The following PRKCB variants were observed in gnomAD, a reference collection of about 807,000 sequenced individuals.
The protein encoded by PRKCB is protein kinase C beta type.
A neutral mutation model predicts 81.5 loss-of-function variants in PRKCB; 13 were observed. That is an observed-to-expected ratio of 0.16 (90% CI 0.10 to 0.25). The LOEUF (loss-of-function observed/expected upper bound fraction) is 0.25, where lower values mean the gene tolerates loss of function less well. Ranked by LOEUF, PRKCB falls within the 10% of genes least tolerant of loss-of-function variation. The probability of loss-of-function intolerance (pLI) is 1.00; values close to 1 mark genes in which losing one functional copy is unlikely to be tolerated. For synonymous variants in PRKCB, 335 were observed against 321.4 expected (o/e 1.04, Z -0.45); for missense variants, 509 against 875.7 (o/e 0.58, Z 5.29).
At chr16:23,864,722 T>C (rs1330647850) in intron 2 of PRKCB, among the ~76,000 whole-genome samples, 3 of 144,676 alleles carry the variant, frequency 2.1e-5, no homozygotes, top group Non-Finnish European at 4.7e-5. Context: ...GCCTCTGAGA[T>C]TTCTTTTTTT....
chr16:24,100,938 G>A lies in PRKCB; in HGVS notation c.821+6641G>A, dbSNP rs181578450. On this transcript the variant is annotated intron_variant, in intron 7 of 16. Coordinates refer to ENST00000643927, the MANE Select transcript of PRKCB (RefSeq NM_002738.7). ...GGTCAAAGCTGTCTTCTCATGTTGAGTCAGTTCCTGGGTGAGGATCACAAG... is the reference window on the plus strand; with the variant it reads ...GGTCAAAGCTGTCTTCTCATGTTGAATCAGTTCCTGGGTGAGGATCACAAG... 1.4e-4 allele frequency among the ~76,000 whole-genome samples: 21 copies of A among 152,292 alleles called. No homozygotes were observed. The East Asian group carries it at 3.9e-3, about 28-fold the overall frequency.
intron 3 of PRKCB, among the ~76,000 whole-genome samples, chr16:24,011,186 A>T (rs906615025): frequency 4.6e-5 from 7 of 151,804 alleles, no homozygotes; most frequent in South Asian, 2.1e-4. Flanking sequence ...ATTTTTTTTT[A>T]AATTGGAGGT....
chr16:24,144,379 A>G (rs1285510955), intron 9 of PRKCB, among the ~76,000 whole-genome samples: 1 of 152,054 alleles, frequency 6.6e-6, no homozygotes, highest in Non-Finnish European at 1.5e-5. Flanking sequence ...GCTCACTGCA[A>G]CCTCCACCTC....
In PRKCB at chr16:23,863,789, G is replaced by A. The variant is rs1169169173; in HGVS notation, c.205+26383G>A. 2.6e-5 allele frequency among the ~76,000 whole-genome samples: 4 copies of A among 152,128 alleles called. No individual in the cohort carries two copies. In the East Asian group the frequency reaches 7.7e-4, roughly 29 times the overall value. ...ATTAGTAGACAATGTTCCAGGCAGA[G>A]TTTTGGATAGAAACTATCCATCAGC... On this transcript the variant is annotated intron_variant, in intron 2 of 16. Transcript: ENST00000643927.
At chr16:24,111,018 A>G (rs907432441) in intron 7 of PRKCB, 2 of 152,258 alleles carry the variant, frequency 1.3e-5, no homozygotes, top group African/African-American at 4.8e-5. Context: ...CTGAATGGAT[A>G]AAGTTAAAGT....
intron 5 of PRKCB, among the ~76,000 whole-genome samples, chr16:24,051,174 C>T (rs1357418364): frequency 1.3e-5 from 2 of 152,200 alleles, no homozygotes; most frequent in Non-Finnish European, 2.9e-5. Flanking sequence ...CCATGAAAGG[C>T]CACACAGGGA....
At chr16:23,838,160 T>C (rs901018316) in intron 2 of PRKCB, among the ~76,000 whole-genome samples, 10 of 152,196 alleles carry the variant, frequency 6.6e-5, no homozygotes, top group African/African-American at 2.4e-4. Context: ...GGACCAAAAG[T>C]TACCCGCAGC....
intron 2 of PRKCB, among the ~76,000 whole-genome samples, chr16:23,871,780 G>T (rs1185828912): frequency 6.6e-6 from 1 of 150,884 alleles, no homozygotes; most frequent in Admixed American, 6.6e-5. Context: ...GTTTCATCAT[G>T]TTGGTCTGGC....
chr16:24,066,770 G>A (rs1435387760), intron 5 of PRKCB, among the ~76,000 whole-genome samples: 1 of 152,070 alleles, frequency 6.6e-6, no homozygotes, highest in Non-Finnish European at 1.5e-5. Context: ...TGACAGTTTT[G>A]AGAAGTACTG....
intron 2 of PRKCB, among the ~76,000 whole-genome samples, chr16:23,909,797 G>A (rs982838558): frequency 6.6e-6 from 1 of 152,120 alleles, no homozygotes; most frequent in African/African-American, 2.4e-5. Flanking sequence ...TTCCTTTTAT[G>A]GCTGAGTAGT....
At chr16:23,914,107 A>G (rs1466802765) in intron 2 of PRKCB, among the ~76,000 whole-genome samples, 1 of 152,122 alleles carries the variant, frequency 6.6e-6, no homozygotes, top group Non-Finnish European at 1.5e-5. Context: ...GGCTCAAGCA[A>G]TCTTGCTTCA....
At chr16:24,073,494 G>A (rs1398285928) in intron 5 of PRKCB, among the ~76,000 whole-genome samples, 1 of 152,140 alleles carries the variant, frequency 6.6e-6, no homozygotes, top group African/African-American at 2.4e-5. Flanking sequence ...ACCATGTCTG[G>A]CTAATCGTGA....
chr16:24,021,040 CTCTT>C (rs1324385986), intron 3 of PRKCB, among the ~76,000 whole-genome samples: 8 of 72,396 alleles, frequency 1.1e-4, no homozygotes, highest in Admixed American at 2.8e-4. Context: ...TTCTTTCTTT[CTCTT>C]TCTTTCTTTC....
chr16:23,899,644 C>CTG (rs1224002439), intron 2 of PRKCB, among the ~76,000 whole-genome samples: 77 of 5,808 alleles, frequency 0.013, 21 homozygotes, highest in Non-Finnish European at 0.068. Context: ...CTCTCTCTCT[C>CTG]TGTGTGTGTG....
At chr16:23,857,839 T>C (rs990704820) in intron 2 of PRKCB, among the ~76,000 whole-genome samples, 10 of 152,172 alleles carry the variant, frequency 6.6e-5, no homozygotes, top group African/African-American at 2.4e-5. Context: ...AGATTTCAAA[T>C]GCCATTAACT....
In PRKCB at chr16:24,174,566, G is replaced by A; in HGVS notation, c.1380G>A (p.Lys460=). The change falls in exon 12 of 17, where the codon AAG becomes AAA. Residue 460 remains lysine, a synonymous_variant. Coordinates refer to ENST00000643927, the MANE Select transcript of PRKCB (RefSeq NM_002738.7). ...IAIGLFFLQS[K]GIIYRDLKLD... ...TCGGTCTGTTCTTCTTACAGAGTAAGGGCATCATTTACCGGTAAGTGAACA... is the reference window on the plus strand; with the variant it reads ...TCGGTCTGTTCTTCTTACAGAGTAAAGGCATCATTTACCGGTAAGTGAACA... 6.2e-7 allele frequency: 1 copy of A among 1,613,198 alleles called. No homozygotes were observed. The highest frequency in any genetic ancestry group is 8.5e-7 in the Non-Finnish European group (1 of 1,179,650).
Position 24,214,682 on chromosome 16 carries a change from G to A in PRKCB, c.1888G>A (p.Asp630Asn). ...GTGTGGGCGAAATGCTGAAAACTTC[G>A]ACCGATTTTTCACCCGCCATCCACC... ...KACGRNAENFDRFFTRHPPVL... is the reference protein window; with the variant it reads ...KACGRNAENFNRFFTRHPPVL... Residue 630 changes from aspartate to asparagine, a missense_variant, in exon 17 of 17, where the codon GAC becomes AAC. Physicochemically the swap from Asp to Asn is conservative, Grantham distance 23 (BLOSUM62 1). This residue lies in a region of PRKCB where 104 missense variants were observed against 160.5 expected (regional missense o/e 0.65). Coordinates refer to ENST00000643927, the MANE Select transcript of PRKCB (RefSeq NM_002738.7). The A allele has an allele frequency of 6.2e-7, 1 of 1,613,884 alleles. No homozygotes were observed. The highest frequency in any genetic ancestry group is 8.5e-7 in the Non-Finnish European group (1 of 1,179,978).
At chr16:23,956,861 A>G (rs1964355699) in intron 2 of PRKCB, among the ~76,000 whole-genome samples, 1 of 152,056 alleles carries the variant, frequency 6.6e-6, no homozygotes, top group Middle Eastern at 3.2e-3. Flanking sequence ...TCAGTAGGAA[A>G]AAAAATGGCT....
chr16:24,022,965 G>A (rs1965425251), intron 3 of PRKCB, among the ~76,000 whole-genome samples: 1 of 152,252 alleles, frequency 6.6e-6, no homozygotes, highest in Non-Finnish European at 1.5e-5. Context: ...GGATGGGACA[G>A]GCTCTAGGTG....
Sources: gnomAD v4.1 joint callset for allele counts (sites outside exome capture counted in the v4.1 genomes callset) on GRCh38, gnomAD v4.1.1 for gene constraint, gnomAD v4.1.1 regional missense constraint, MANE v1.5 for transcripts, NCBI Gene and HGNC (gene_info 2026-07-23, HGNC 2026-07-21) for gene names.